The following MOB1A variants were observed in gnomAD, a reference collection of about 807,000 sequenced individuals.
The protein encoded by MOB1A is MOB kinase activator 1A.
Under a neutral mutation model 25.1 loss-of-function variants are expected in MOB1A, and 10 were observed. That is an observed-to-expected ratio of 0.40 (90% confidence interval 0.25 to 0.68). The LOEUF is 0.68. Ranked by LOEUF, MOB1A falls within the 30% of genes least tolerant of loss-of-function variation. The pLI is 0.40. For missense variants in MOB1A, 177 were observed against 256.3 expected, an observed-to-expected ratio of 0.69 and a Z score of 2.11; for synonymous variants, 81 against 79.5, an observed-to-expected ratio of 1.02 and a Z score of -0.10.
chr2:74,178,751 G>A lies in MOB1A; in HGVS notation c.-77C>T. 2 of 700,534 alleles carry A rather than the reference G, an allele frequency of 2.9e-6. No homozygotes were observed. Among genetic ancestry groups the A allele is most frequent in the Non-Finnish European group, 4.0e-6 (2 of 505,156 alleles). The allele number at this position is 700,534 out of a possible 1,614,324, so 43.4% of individuals were successfully genotyped here. A position where few individuals can be genotyped will look rare whatever the true frequency, so the allele number is the denominator to read the frequency against. ...GATTCGGAGCTGGCTAGAGGGAGCG[G>A]ACCGTCCTTAGCTCACGGGCAGCGG... is the stretch of plus-strand genomic sequence containing the variant. On this transcript the variant is annotated 5_prime_UTR_variant, in exon 1 of 6. Coordinates refer to ENST00000396049, the MANE Select transcript of MOB1A (RefSeq NM_018221.5).
chr2:74,175,307 A>T (rs1485387373), intron 1 of MOB1A, among the ~76,000 whole-genome samples: 1 of 152,240 alleles, frequency 6.6e-6, no homozygotes, highest in Non-Finnish European at 1.5e-5. Context: ...GAATTATTTC[A>T]TTATATATTC....
chr2:74,153,079 A>T lies in MOB1A; in HGVS notation c.*3489T>A, dbSNP rs1170236904. The stretch of plus-strand genomic sequence containing the variant: ...TAGTAGAAACTAAATTCCCTTATGG[A>T]TCTCAGGGGGAAATAATGTGCCTGT... On this transcript the variant is annotated 3_prime_UTR_variant, in exon 6 of 6. Coordinates refer to ENST00000396049, the MANE Select transcript of MOB1A (RefSeq NM_018221.5). The T allele has an allele frequency of 6.6e-6, 1 of 152,160 alleles. No individual in the cohort carries two copies. The highest frequency in any genetic ancestry group is 1.5e-5 in the Non-Finnish European group (1 of 68,024). The allele number at this position is 152,160 out of a possible 1,614,324, so 9.4% of individuals were successfully genotyped here. A position where few individuals can be genotyped will look rare whatever the true frequency, so the allele number is the denominator to read the frequency against.
intron 1 of MOB1A, chr2:74,177,882 C>G (rs1693520347): frequency 6.6e-6 from 1 of 152,150 alleles, no homozygotes; most frequent in Non-Finnish European, 1.5e-5. Context: ...AGGGAATTTA[C>G]AAGCTTTTTC....
intron 2 of MOB1A, among the ~76,000 whole-genome samples, chr2:74,167,587 AG>A (rs140569568): frequency 0.025 from 3,832 of 152,298 alleles, 151 homozygotes; most frequent in African/African-American, 0.088. Context: ...ATTACATCCA[AG>A]GGAATGAAAA....
At position 74,154,984 on chromosome 2, in the gene MOB1A, A is replaced by C. The variant is rs1321193629; in HGVS notation, c.*1584T>G. ...TCTAGGAAATGATTATTTAAAATGGAGTTTCTAAGTAATTATTTTCTTTAT... is the reference window on the plus strand; with the variant it reads ...TCTAGGAAATGATTATTTAAAATGGCGTTTCTAAGTAATTATTTTCTTTAT... On this transcript the variant is annotated 3_prime_UTR_variant, in exon 6 of 6. Coordinates refer to ENST00000396049, the MANE Select transcript of MOB1A (RefSeq NM_018221.5). The C allele has an allele frequency of 6.6e-6, 1 of 152,198 alleles. No homozygotes were observed. The highest frequency in any genetic ancestry group is 1.5e-5 in the Non-Finnish European group (1 of 68,046). 9.4% of individuals were successfully genotyped at this position (152,198 alleles called of 1,614,324 possible).
chr2:74,169,433 C>G (rs1693220539), intron 2 of MOB1A, among the ~76,000 whole-genome samples: 1 of 152,066 alleles, frequency 6.6e-6, no homozygotes, highest in South Asian at 2.1e-4. Flanking sequence ...AGCCAGGAGG[C>G]AGCTGCAGTG....
rs898470826 is a variant in MOB1A at position 74,154,508 on chromosome 2, C to G, written c.*2060G>C. On this transcript the variant is annotated 3_prime_UTR_variant, in exon 6 of 6. Transcript: ENST00000396049. Reference sequence around the variant, plus strand: ...TACTACTGTCCTGACATGTGATCGTCTTTCATTTGCTTTGGAGCTTAGTGG... The same window carrying G: ...TACTACTGTCCTGACATGTGATCGTGTTTCATTTGCTTTGGAGCTTAGTGG... 9 of 151,294 alleles carry G rather than the reference C, an allele frequency of 5.9e-5. No homozygotes were observed. Among genetic ancestry groups the G allele is most frequent in the African/African-American group, 1.9e-4 (8 of 41,186 alleles). The allele number at this position is 151,294 out of a possible 1,614,324, so 9.4% of individuals were successfully genotyped here.
intron 2 of MOB1A, among the ~76,000 whole-genome samples, chr2:74,168,191 C>T (rs1397454219): frequency 2.0e-5 from 3 of 152,012 alleles, no homozygotes; most frequent in African/African-American, 4.8e-5. Context: ...CAAAGGCCAA[C>T]GATAAATGCT....
intron 1 of MOB1A, among the ~76,000 whole-genome samples, chr2:74,175,552 T>C (rs1170755299): frequency 6.6e-6 from 1 of 152,216 alleles, no homozygotes; most frequent in Non-Finnish European, 1.5e-5. Context: ...CTATTAATAC[T>C]GAAAAGCTCC....
At chr2:74,174,550 T>G (rs1455367292) in intron 1 of MOB1A, among the ~76,000 whole-genome samples, 1 of 152,170 alleles carries the variant, frequency 6.6e-6, no homozygotes, top group Non-Finnish European at 1.5e-5. Flanking sequence ...CTAACATCTT[T>G]AAGTTTATAA....
intron 1 of MOB1A, chr2:74,173,158 G>A: frequency 1.9e-6 from 1 of 515,366 alleles, no homozygotes; most frequent in Non-Finnish European, 3.9e-6. Flanking sequence ...AACACTCTCT[G>A]AAAAATGCCA....
At chr2:74,165,709 T>C (rs1693111391) in intron 3 of MOB1A, among the ~76,000 whole-genome samples, 1 of 152,208 alleles carries the variant, frequency 6.6e-6, no homozygotes, top group African/African-American at 2.4e-5. Context: ...TTCTTGGTCA[T>C]CAATTTATTA....
At chr2:74,168,150 A>G (rs963249340) in intron 2 of MOB1A, among the ~76,000 whole-genome samples, 4 of 152,152 alleles carry the variant, frequency 2.6e-5, no homozygotes, top group African/African-American at 9.7e-5. Flanking sequence ...AAAAATAGCA[A>G]TAATAGTACA....
rs1692769728 is a variant in MOB1A at position 74,155,204 on chromosome 2, T to TAA, written c.*1363_*1364insTT. 6.6e-6 allele frequency: 1 copy of TAA among 152,572 alleles called. No individual in the cohort carries two copies. Among genetic ancestry groups the TAA allele is most frequent in the East Asian group, 1.9e-4 (1 of 5,198 alleles). 9.5% of individuals were successfully genotyped at this position (152,572 alleles called of 1,614,324 possible). On this transcript the variant is annotated 3_prime_UTR_variant, in exon 6 of 6. Transcript: ENST00000396049. ...TTGTTGTGCCTCAGTACATTTTAAA[T>TAA]AGACAGCTAGAGTTTACTAAATCCT...
chr2:74,167,136 T>C (rs926508813), intron 2 of MOB1A, 29 bp from the exon 3 acceptor site: 2 of 1,582,698 alleles, frequency 1.3e-6, no homozygotes, highest in Non-Finnish European at 1.7e-6. Context: ...TGTGTCAAAA[T>C]GTCTGTGTAA....
At chr2:74,158,037 G>A (rs528693367) in intron 5 of MOB1A, among the ~76,000 whole-genome samples, 3 of 151,778 alleles carry the variant, frequency 2.0e-5, no homozygotes, top group Admixed American at 6.6e-5. Context: ...AAAATTAGCC[G>A]GGCGTGGTGG....
chr2:74,165,647 G>A (rs142068469), intron 3 of MOB1A, among the ~76,000 whole-genome samples: 2 of 152,318 alleles, frequency 1.3e-5, no homozygotes, highest in East Asian at 3.9e-4. Flanking sequence ...TAAAGCAGAA[G>A]GTTGCTGAGG....
At chr2:74,168,231 G>A (rs142991244) in intron 2 of MOB1A, among the ~76,000 whole-genome samples, 135 of 152,288 alleles carry the variant, frequency 8.9e-4, no homozygotes, top group African/African-American at 3.2e-3. Flanking sequence ...ATGAAGAGTT[G>A]GAAGTAGTCA....
intron 4 of MOB1A, among the ~76,000 whole-genome samples, chr2:74,161,832 C>G (rs1692982336): frequency 6.6e-6 from 1 of 151,908 alleles, no homozygotes; most frequent in Non-Finnish European, 1.5e-5. Flanking sequence ...GCACACGTGC[C>G]TGTGGTCTCA....
Sources: allele counts gnomAD v4.1 joint callset (sites outside exome capture counted in the v4.1 genomes callset), GRCh38; gene constraint gnomAD v4.1.1; transcripts MANE v1.5; gene names NCBI Gene and HGNC (gene_info 2026-07-23, HGNC 2026-07-21).